GNG12: variants seen among roughly 807,000 people sequenced by gnomAD.
The protein encoded by GNG12 is G protein subunit gamma 12, also known as guanine nucleotide-binding protein G(I)/G(S)/G(O) subunit gamma-12.
For synonymous variants in GNG12, 28 were observed against 29.7 expected (o/e 0.94, Z 0.19); for missense variants, 69 against 83.8 (o/e 0.82, Z 0.69).
intron 1 of GNG12, chr1:67,832,259 A>G (rs915966569): frequency 1.3e-5 from 2 of 152,078 alleles, no homozygotes; most frequent in African/African-American, 4.8e-5. Flanking sequence ...GGGCGCAGGA[A>G]CCTCCCTTCT....
chr1:67,797,250 C>T (rs1320584745), intron 1 of GNG12, among the ~76,000 whole-genome samples: 1 of 152,178 alleles, frequency 6.6e-6, no homozygotes, highest in Non-Finnish European at 1.5e-5. Context: ...TGATAAAACA[C>T]AGACAATCAT....
chr1:67,751,381 C>T (rs1179596202), intron 2 of GNG12, among the ~76,000 whole-genome samples: 1 of 152,180 alleles, frequency 6.6e-6, no homozygotes, highest in Non-Finnish European at 1.5e-5. Context: ...TGTTTAATGG[C>T]ACCTCTGGGA....
intron 2 of GNG12, among the ~76,000 whole-genome samples, chr1:67,734,317 T>C (rs983888295): frequency 6.6e-6 from 1 of 152,108 alleles, no homozygotes; most frequent in African/African-American, 2.4e-5. Context: ...TGATAGGTTT[T>C]CTGAAGACTG....
In GNG12 at chr1:67,722,123, TA is replaced by T. The variant is rs930684358; in HGVS notation, c.-26-14412del. 2.3e-3 allele frequency among the ~76,000 whole-genome samples: 352 copies of T among 150,640 alleles called. 2 individuals carry two copies. Among genetic ancestry groups the T allele is most frequent in the African/African-American group, 8.1e-3 (333 of 41,068 alleles). On this transcript the variant is annotated intron_variant, in intron 2 of 3. Coordinates refer to ENST00000370982, the MANE Select transcript of GNG12 (RefSeq NM_018841.6). ...CTCACCCACTTCCTTAGAATGCACT[TA>T]AAAAAAAAGAAACCGAAAAGCCCAA...
At chr1:67,823,281 T>C in intron 1 of GNG12, among the ~76,000 whole-genome samples, 1 of 152,212 alleles carries the variant, frequency 6.6e-6, no homozygotes, top group Non-Finnish European at 1.5e-5. Flanking sequence ...GAGGGAGAAA[T>C]TCTAGGCTAG....
At chr1:67,761,958 C>T (rs915667377) in intron 2 of GNG12, among the ~76,000 whole-genome samples, 9 of 152,322 alleles carry the variant, frequency 5.9e-5, no homozygotes, top group Non-Finnish European at 1.3e-4. Flanking sequence ...CCCAGGAAAG[C>T]AGACCCAGTG....
chr1:67,800,627 T>A (rs1646859241), intron 1 of GNG12, among the ~76,000 whole-genome samples: 1 of 152,218 alleles, frequency 6.6e-6, no homozygotes, highest in Admixed American at 6.5e-5. Flanking sequence ...AAATGTGCTC[T>A]CAAAATTATG....
intron 1 of GNG12, among the ~76,000 whole-genome samples, chr1:67,812,754 A>G: frequency 6.6e-6 from 1 of 152,364 alleles, no homozygotes; most frequent in South Asian, 2.1e-4. Context: ...TTAAAACTAA[A>G]TAAAGCAAAA....
chr1:67,794,282 G>A (rs1646817257), intron 1 of GNG12, among the ~76,000 whole-genome samples: 1 of 152,202 alleles, frequency 6.6e-6, no homozygotes, highest in Admixed American at 6.5e-5. Context: ...GCTCAGGAGA[G>A]ATGGGAGCTG....
At chr1:67,717,233 C>T (rs760007730) in intron 2 of GNG12, among the ~76,000 whole-genome samples, 2 of 152,046 alleles carry the variant, frequency 1.3e-5, no homozygotes, top group Non-Finnish European at 1.5e-5. Context: ...GGACACTACT[C>T]GGCCGGGTAT....
intron 2 of GNG12, among the ~76,000 whole-genome samples, chr1:67,760,487 T>TGGAC (rs1646596105): frequency 6.6e-6 from 1 of 152,196 alleles, no homozygotes; most frequent in South Asian, 2.1e-4. Flanking sequence ...AAAAGGCTGA[T>TGGAC]GGACGGGTGA....
intron 1 of GNG12, among the ~76,000 whole-genome samples, chr1:67,804,184 T>C (rs78576285): frequency 6.6e-6 from 1 of 152,322 alleles, no homozygotes; most frequent in East Asian, 1.9e-4. Flanking sequence ...CCTGGTGGAA[T>C]TAAGCAACAT....
intron 1 of GNG12, among the ~76,000 whole-genome samples, chr1:67,824,690 AGGACAAGATT>A (rs1647002077): frequency 6.6e-6 from 1 of 152,212 alleles, no homozygotes; most frequent in African/African-American, 2.4e-5. Context: ...TGTGAAGAAC[AGGACAAGATT>A]GGCATGGAAG....
In GNG12 at chr1:67,701,956, T is replaced by C. The variant is rs1570467791; in HGVS notation, c.*3495A>G. The C allele has an allele frequency of 6.6e-6, 1 of 152,610 alleles. No homozygotes were observed. The highest frequency in any genetic ancestry group is 2.1e-4 in the South Asian group (1 of 4,830). 9.5% of individuals were successfully genotyped at this position (152,610 alleles called of 1,614,324 possible). A position where few individuals can be genotyped will look rare whatever the true frequency, so the allele number is the denominator to read the frequency against. ...TGGCAGGACCAGCAGAGGGGTGGGG[T>C]CTTTGGACCAAGGCATCTGGGAACA... On this transcript the variant is annotated 3_prime_UTR_variant, in exon 4 of 4. Coordinates refer to ENST00000370982, the MANE Select transcript of GNG12 (RefSeq NM_018841.6).
intron 1 of GNG12, among the ~76,000 whole-genome samples, chr1:67,797,131 G>C (rs1646835879): frequency 1.3e-5 from 2 of 152,106 alleles, no homozygotes; most frequent in Admixed American, 6.5e-5. Flanking sequence ...ATTTGGAGGG[G>C]ACAAACATCC....
intron 1 of GNG12, among the ~76,000 whole-genome samples, chr1:67,785,206 G>C (rs1384310245): frequency 2.0e-5 from 3 of 152,066 alleles, no homozygotes; most frequent in African/African-American, 7.2e-5. Context: ...TACTTCACTG[G>C]AGGATCTCAA....
At chr1:67,811,279 C>T (rs897620609) in intron 1 of GNG12, among the ~76,000 whole-genome samples, 2 of 152,106 alleles carry the variant, frequency 1.3e-5, no homozygotes, top group African/African-American at 4.8e-5. Flanking sequence ...AGGGAGAGCT[C>T]GATGTGTGCC....
chr1:67,808,585 G>A (rs898712518), intron 1 of GNG12, among the ~76,000 whole-genome samples: 1 of 152,078 alleles, frequency 6.6e-6, no homozygotes, highest in Admixed American at 6.6e-5. Context: ...TGGAACTAGT[G>A]AGAAATAATA....
In GNG12 at chr1:67,702,736, CAACTG is replaced by C. The variant is rs1357685094; in HGVS notation, c.*2710_*2714del. ...AAATCATGCCGTGGTCCTGAGGCCT[CAACTG>C]GACAGATTTATGATGAACTAATGAA... On this transcript the variant is annotated 3_prime_UTR_variant, in exon 4 of 4. Transcript: ENST00000370982. The C allele has an allele frequency of 1.3e-5, 2 of 151,690 alleles. No individual in the cohort carries two copies. Among genetic ancestry groups the C allele is most frequent in the African/African-American group, 4.8e-5 (2 of 41,240 alleles). The allele number at this position is 151,690 out of a possible 1,614,324, so 9.4% of individuals were successfully genotyped here.
Sources: gnomAD v4.1 joint callset for allele counts (sites outside exome capture counted in the v4.1 genomes callset) on GRCh38, gnomAD v4.1.1 for gene constraint, MANE v1.5 for transcripts, NCBI Gene and HGNC (gene_info 2026-07-23, HGNC 2026-07-21) for gene names.